EIF4E3: variants seen among roughly 807,000 people sequenced by gnomAD.
The protein encoded by EIF4E3 is eukaryotic translation initiation factor 4E family member 3, also known as eukaryotic translation initiation factor 4E type 3.
In EIF4E3, 26 loss-of-function variants were observed where a neutral mutation model predicts 31.7. That is an observed-to-expected ratio of 0.82 (90% CI 0.60 to 1.14). The LOEUF is 1.14. EIF4E3 is among the 50% of genes most tolerant of loss of function. The probability of loss-of-function intolerance (pLI) is 0.00; values close to 1 mark genes in which losing one functional copy is unlikely to be tolerated. For synonymous variants in EIF4E3, 128 were observed against 107.7 expected, an observed-to-expected ratio of 1.19 and a Z score of -1.17; for missense variants, 304 against 270.9, an observed-to-expected ratio of 1.12 and a Z score of -0.86.
intron 6 of EIF4E3, among the ~76,000 whole-genome samples, chr3:71,687,896 C>A (rs538749509): frequency 6.6e-6 from 1 of 152,192 alleles, no homozygotes; most frequent in Non-Finnish European, 1.5e-5. Context: ...CTTAGCTTAC[C>A]CTGCTGTGAA....
At chr3:71,684,759 A>G (rs2048969414) in intron 6 of EIF4E3, 31 bp from the exon 7 acceptor site, 2 of 1,610,150 alleles carry the variant, frequency 1.2e-6, no homozygotes, top group Non-Finnish European at 1.7e-6. Flanking sequence ...AAAAAAGAAA[A>G]AAAGGAAAGA....
At chr3:71,754,033 G>T (rs1489180916), upstream of EIF4E3, 7 of 1,185,936 alleles carry the variant, frequency 5.9e-6, no homozygotes, top group African/African-American at 1.2e-4. This position sits in a 1 kb window ranked among gnomAD's most constrained non-coding sequence, Gnocchi z 5.8. Flanking sequence ...CGGAGCGCAC[G>T]GCCTGGTGAG....
chr3:71,692,903 A>G (rs2049083379), intron 5 of EIF4E3, among the ~76,000 whole-genome samples: 1 of 152,122 alleles, frequency 6.6e-6, no homozygotes, highest in Admixed American at 6.5e-5. Flanking sequence ...CGCAGGTTTT[A>G]TCTTAACTGA....
At chr3:71,752,439 G>A (rs1039479423) in intron 1 of EIF4E3, among the ~76,000 whole-genome samples, 1 of 152,024 alleles carries the variant, frequency 6.6e-6, no homozygotes, top group African/African-American at 2.4e-5. Flanking sequence ...CTAAAGTTTC[G>A]ACTTCTTAGC....
At chr3:71,686,317 T>A (rs2048990499) in intron 6 of EIF4E3, among the ~76,000 whole-genome samples, 2 of 152,118 alleles carry the variant, frequency 1.3e-5, no homozygotes, top group Admixed American at 1.3e-4. Context: ...GACTAAATTC[T>A]TCAGACTATT....
intron 1 of EIF4E3, among the ~76,000 whole-genome samples, chr3:71,733,764 G>A (rs1336844205): frequency 2.6e-5 from 4 of 151,504 alleles, no homozygotes. Flanking sequence ...TACTTTATAA[G>A]TCATTTACTT....
the EIF4E3 span, among the ~76,000 whole-genome samples, chr3:71,661,190 T>G: frequency 6.6e-6 from 1 of 151,914 alleles, no homozygotes; most frequent in African/African-American, 2.4e-5. Context: ...GATTCTGAAG[T>G]TATCCAATTA....
rs559123633 is a variant in EIF4E3 at position 71,748,798 on chromosome 3, C to T, written c.-291+4665G>A. On this transcript the variant is annotated intron_variant, in intron 1 of 7. Transcript: ENST00000295612. ...AGTATATTCTGAGAAAGCAAGGACCCATGATGAAACCCAAGATGCACTAAG... is the reference window on the plus strand; with the variant it reads ...AGTATATTCTGAGAAAGCAAGGACCTATGATGAAACCCAAGATGCACTAAG... 2.6e-5 allele frequency among the ~76,000 whole-genome samples: 4 copies of T among 152,234 alleles called. No individual in the cohort carries two copies. The South Asian group carries it at 8.3e-4, about 32-fold the overall frequency.
At chr3:71,674,936 T>C (rs2048864836), downstream of EIF4E3, among the ~76,000 whole-genome samples, 2 of 152,170 alleles carry the variant, frequency 1.3e-5, no homozygotes, top group African/African-American at 4.8e-5. Flanking sequence ...ATAAAGCAAA[T>C]TCCAAACTAA....
rs1464461221 is a variant in EIF4E3 at position 71,676,576 on chromosome 3, C to T, written c.*8106G>A. 7 of 152,066 alleles carry T rather than the reference C, an allele frequency of 4.6e-5. No individual in the cohort carries two copies. The highest frequency in any genetic ancestry group is 1.5e-5 in the Non-Finnish European group (1 of 68,018). 9.4% of individuals were successfully genotyped at this position (152,066 alleles called of 1,614,324 possible). On this transcript the variant is annotated 3_prime_UTR_variant, in exon 7 of 7. Transcript: ENST00000425534. The stretch of plus-strand genomic sequence containing the variant: ...TAAAATTTGGCCATGTGATGCATGT[C>T]ACTGTGTGTTATTGCTTTATTACAC...
At position 71,698,137 on chromosome 3, in the gene EIF4E3, T is replaced by C. The variant is rs183314723; in HGVS notation, c.344+1477A>G. Among the ~76,000 whole-genome samples the C allele has an allele frequency of 7.2e-5, 11 of 152,304 alleles. 1 individual carries two copies. Among genetic ancestry groups the C allele is most frequent in the Admixed American group, 6.5e-4 (10 of 15,302 alleles). On this transcript the variant is annotated intron_variant, in intron 3 of 6. Coordinates refer to ENST00000425534, the MANE Select transcript of EIF4E3 (RefSeq NM_001134651.2). ...GGGGGTAAGATTGGGCATTTTTCAA[T>C]AAACACTTCCCCAGTCCTTTTGTTG...
intron 1 of EIF4E3, among the ~76,000 whole-genome samples, chr3:71,723,522 G>A (rs1053404633): frequency 6.6e-6 from 1 of 152,126 alleles, no homozygotes; most frequent in South Asian, 2.1e-4. Flanking sequence ...ATAATCTTAA[G>A]CTACTAGTCT....
intron 4 of EIF4E3, among the ~76,000 whole-genome samples, chr3:71,695,531 T>A (rs1038909629): frequency 6.6e-6 from 1 of 152,206 alleles, no homozygotes; most frequent in Admixed American, 6.5e-5. Context: ...TTATATTCCC[T>A]CATTCTCTTA....
chr3:71,680,503 T>C lies in EIF4E3; in HGVS notation c.*4179A>G, dbSNP rs1191432599. 6.6e-6 allele frequency: 1 copy of C among 152,206 alleles called. No individual in the cohort carries two copies. Among genetic ancestry groups the C allele is most frequent in the Non-Finnish European group, 1.5e-5 (1 of 68,034 alleles). 9.4% of individuals were successfully genotyped at this position (152,206 alleles called of 1,614,324 possible). ...TTTATGTCAGCAACATGAAAGAATT[T>C]CTAGAACACAAGACAGTGACTTTTG... On this transcript the variant is annotated 3_prime_UTR_variant, in exon 7 of 7. Coordinates refer to ENST00000425534, the MANE Select transcript of EIF4E3 (RefSeq NM_001134651.2).
intron 1 of EIF4E3, among the ~76,000 whole-genome samples, chr3:71,712,345 C>T (rs1229472521): frequency 2.0e-5 from 3 of 152,096 alleles, no homozygotes; most frequent in Non-Finnish European, 4.4e-5. Flanking sequence ...GCTATAGTTA[C>T]TAAAGTATCA....
intron 1 of EIF4E3, among the ~76,000 whole-genome samples, chr3:71,717,307 A>G (rs2049480364): frequency 1.3e-5 from 2 of 152,232 alleles, no homozygotes; most frequent in Admixed American, 6.5e-5. Context: ...TATCGTAAGA[A>G]ATGCTAACTT....
At chr3:71,739,609 A>C (rs2049799490) in intron 1 of EIF4E3, among the ~76,000 whole-genome samples, 1 of 152,114 alleles carries the variant, frequency 6.6e-6, no homozygotes, top group South Asian at 2.1e-4. Context: ...AGGTGGAAGG[A>C]TCACCTGAGC....
chr3:71,733,573 A>T (rs2049729385), intron 1 of EIF4E3, among the ~76,000 whole-genome samples: 1 of 151,966 alleles, frequency 6.6e-6, no homozygotes, highest in Non-Finnish European at 1.5e-5. Flanking sequence ...CTGCAAAAAG[A>T]CCTCCTGTAC....
At chr3:71,690,211 T>G (rs1300620757) in intron 5 of EIF4E3, 46 bp from the exon 6 acceptor site, 1 of 1,549,300 alleles carries the variant, frequency 6.5e-7, no homozygotes, top group Non-Finnish European at 8.7e-7. Context: ...TACTTCCAAG[T>G]CAGTCTGACT....
Sources: allele counts gnomAD v4.1 joint callset (sites outside exome capture counted in the v4.1 genomes callset), GRCh38; gene constraint gnomAD v4.1.1; non-coding constraint Gnocchi (gnomAD v3.1); transcripts MANE v1.5; gene names NCBI Gene and HGNC (gene_info 2026-07-23, HGNC 2026-07-21).